GTF2F2: variants seen among roughly 807,000 people sequenced by gnomAD.
GTF2F2 encodes general transcription factor IIF subunit 2, also known as ATP-dependent helicase GTF2F2.
GTF2F2 carries 23 observed loss-of-function variants against 42.2 expected under a neutral mutation model. The ratio of observed to expected loss-of-function variants is 0.55; its 90% CI spans 0.39 to 0.77. The LOEUF (loss-of-function observed/expected upper bound fraction) is 0.77. Ranked by LOEUF, GTF2F2 falls within the 30% of genes least tolerant of loss-of-function variation. The pLI is 0.00. For missense variants in GTF2F2, 261 were observed against 287.2 expected, an observed-to-expected ratio of 0.91 and a Z score of 0.66; for synonymous variants, 105 against 100.8, an observed-to-expected ratio of 1.04 and a Z score of -0.25.
intron 1 of GTF2F2, among the ~76,000 whole-genome samples, chr13:45,130,855 A>G (rs1038931127): frequency 1.3e-5 from 2 of 152,176 alleles, no homozygotes; most frequent in South Asian, 2.1e-4. Flanking sequence ...AGTTGGATAT[A>G]TAAATTGAGA....
chr13:45,191,105 C>T (rs1246141048), intron 4 of GTF2F2, among the ~76,000 whole-genome samples: 2 of 150,198 alleles, frequency 1.3e-5, no homozygotes, highest in Non-Finnish European at 3.0e-5. Flanking sequence ...GGCGCAGTGG[C>T]TCACGCCTGT....
chr13:45,138,332 C>T (rs758105599), intron 2 of GTF2F2, among the ~76,000 whole-genome samples: 8 of 152,114 alleles, frequency 5.3e-5, no homozygotes, highest in Admixed American at 2.0e-4. Context: ...GTGGAGGCAC[C>T]GTGCTCAGGA....
Position 45,270,321 on chromosome 13 carries a change from T to G in GTF2F2, c.630+2945T>G, listed in dbSNP as rs919349046. On this transcript the variant is annotated intron_variant, in intron 7 of 7. Coordinates refer to ENST00000340473, the MANE Select transcript of GTF2F2 (RefSeq NM_004128.3). ...GTATCCATTTAAAGATATATTATCTTAGTCTGTTTTTTGTTACTTATAACA... is the reference window on the plus strand; with the variant it reads ...GTATCCATTTAAAGATATATTATCTGAGTCTGTTTTTTGTTACTTATAACA... Among the ~76,000 whole-genome samples the G allele has an allele frequency of 3.9e-5, 6 of 152,176 alleles. 1 individual carries two copies. The highest frequency in any genetic ancestry group is 3.9e-4 in the Admixed American group (6 of 15,276).
chr13:45,129,275 C>T (rs1205304923), intron 1 of GTF2F2, among the ~76,000 whole-genome samples: 1 of 152,204 alleles, frequency 6.6e-6, no homozygotes, highest in Non-Finnish European at 1.5e-5. Context: ...GTGGCACGAT[C>T]ATGGTTCGCT....
chr13:45,199,811 G>A (rs1344239690), intron 4 of GTF2F2, among the ~76,000 whole-genome samples: 5 of 152,264 alleles, frequency 3.3e-5, no homozygotes, highest in East Asian at 3.9e-4. Context: ...CTCTGTTACC[G>A]TATACTAGCG....
intron 1 of GTF2F2, among the ~76,000 whole-genome samples, chr13:45,129,717 C>T (rs780906447): frequency 6.6e-6 from 1 of 152,214 alleles, no homozygotes; most frequent in Non-Finnish European, 1.5e-5. Flanking sequence ...ATTACAATAT[C>T]TGCCTATTCA....
At chr13:45,168,861 C>T (rs958314444) in intron 4 of GTF2F2, among the ~76,000 whole-genome samples, 13 of 129,458 alleles carry the variant, frequency 1.0e-4, no homozygotes, top group African/African-American at 3.5e-4. Flanking sequence ...CTTTCCTTCC[C>T]TCCTTGCTTC....
intron 4 of GTF2F2, among the ~76,000 whole-genome samples, chr13:45,170,047 A>G (rs1467184282): frequency 1.3e-5 from 2 of 152,096 alleles, no homozygotes; most frequent in African/African-American, 4.8e-5. Context: ...ATTTAGAGAC[A>G]AGGTCTTGCT....
At chr13:45,235,125 T>C (rs913637924) in intron 5 of GTF2F2, among the ~76,000 whole-genome samples, 3 of 149,262 alleles carry the variant, frequency 2.0e-5, no homozygotes, top group African/African-American at 7.4e-5. Context: ...GACAACATTG[T>C]GAAAACAGAA....
chr13:45,156,823 C>T (rs9526041), intron 4 of GTF2F2, among the ~76,000 whole-genome samples: 26,032 of 152,080 alleles, frequency 0.17, 2,550 homozygotes, highest in Non-Finnish European at 0.22. Context: ...TTTTTGCTTT[C>T]ATTTTTCATT....
intron 4 of GTF2F2, among the ~76,000 whole-genome samples, chr13:45,195,832 T>C (rs9534060): frequency 0.17 from 25,285 of 152,140 alleles, 2,497 homozygotes; most frequent in Non-Finnish European, 0.22. Context: ...TTTTAATTTA[T>C]TTTTGTAGAG....
intron 7 of GTF2F2, among the ~76,000 whole-genome samples, chr13:45,270,853 C>T (rs1876758129): frequency 6.6e-6 from 1 of 152,066 alleles, no homozygotes; most frequent in African/African-American, 2.4e-5. Context: ...AGATATAAAC[C>T]ATTAAAAACT....
At chr13:45,199,423 T>C (rs1055485214) in intron 4 of GTF2F2, among the ~76,000 whole-genome samples, 1 of 152,266 alleles carries the variant, frequency 6.6e-6, no homozygotes, top group South Asian at 2.1e-4. Context: ...TATTAATTCA[T>C]GTTTTACATG....
chr13:45,223,916 T>C (rs1352090835), intron 5 of GTF2F2, among the ~76,000 whole-genome samples: 5 of 152,220 alleles, frequency 3.3e-5, no homozygotes, highest in Non-Finnish European at 5.9e-5. Flanking sequence ...TTTCTAGTAG[T>C]TGGGTTTTCA....
chr13:45,272,424 T>TTAA (rs1876830755), intron 7 of GTF2F2, among the ~76,000 whole-genome samples: 1 of 99,630 alleles, frequency 1.0e-5, no homozygotes, highest in Non-Finnish European at 2.1e-5. Flanking sequence ...TTTGGCTCTT[T>TTAA]AAAAAAAAAA....
intron 5 of GTF2F2, among the ~76,000 whole-genome samples, chr13:45,223,262 T>TA (rs60690884): frequency 0.17 from 16,026 of 96,276 alleles, 1,452 homozygotes; most frequent in Non-Finnish European, 0.22. Context: ...CTTGTCTCAA[T>TA]AAAAAAAAAA....
chr13:45,239,090 G>A (rs1351276167), intron 5 of GTF2F2, among the ~76,000 whole-genome samples: 1 of 152,166 alleles, frequency 6.6e-6, no homozygotes, highest in African/African-American at 2.4e-5. Context: ...TTCATGAGAA[G>A]CAGTTGTTAG....
At chr13:45,237,131 T>C (rs369688937) in intron 5 of GTF2F2, among the ~76,000 whole-genome samples, 2 of 152,286 alleles carry the variant, frequency 1.3e-5, no homozygotes, top group South Asian at 4.1e-4. Context: ...TTGAATCAGA[T>C]ATATAAGAAA....
chr13:45,142,965 A>G lies in GTF2F2; in HGVS notation c.140+6159A>G, dbSNP rs182489411. Among the ~76,000 whole-genome samples, 7 of 152,342 alleles carry G rather than the reference A, an allele frequency of 4.6e-5. 1 individual carries two copies. The highest frequency in any genetic ancestry group is 3.9e-4 in the Admixed American group (6 of 15,298). On this transcript the variant is annotated intron_variant, in intron 2 of 7. Coordinates refer to ENST00000340473, the MANE Select transcript of GTF2F2 (RefSeq NM_004128.3). ...CTGTTGTTTAGAATGAAGTGGAATGATAATCCTCCTCCTTACTTTGCCAGT... is the reference window on the plus strand; with the variant it reads ...CTGTTGTTTAGAATGAAGTGGAATGGTAATCCTCCTCCTTACTTTGCCAGT...
Sources: gnomAD v4.1 joint callset for allele counts (sites outside exome capture counted in the v4.1 genomes callset) on GRCh38, gnomAD v4.1.1 for gene constraint, MANE v1.5 for transcripts, NCBI Gene and HGNC (gene_info 2026-07-23, HGNC 2026-07-21) for gene names.